The following UNC13C variants were observed in gnomAD, a reference collection of about 807,000 sequenced individuals.
UNC13C encodes protein unc-13 homolog C.
A neutral mutation model predicts 245.4 loss-of-function variants in UNC13C; 174 were observed. That is an observed-to-expected ratio of 0.71 (90% CI 0.63 to 0.80). The LOEUF is 0.80. Among genes scored for constraint, UNC13C ranks in the 30% least tolerant of loss-of-function variants. The pLI is 0.00. For synonymous variants in UNC13C, 992 were observed against 895.1 expected, an observed-to-expected ratio of 1.11 and a Z score of -1.93; for missense variants, 2,829 against 2,602.9, an observed-to-expected ratio of 1.09 and a Z score of -1.89.
chr15:53,870,637 G>A, the UNC13C span, among the ~76,000 whole-genome samples: 2 of 152,054 alleles, frequency 1.3e-5, no homozygotes, highest in African/African-American at 2.4e-5. Context: ...TTGAGACTAC[G>A]TCCTAACTCA....
chr15:54,148,841 G>T (rs568882090), intron 4 of UNC13C, among the ~76,000 whole-genome samples: 2 of 152,168 alleles, frequency 1.3e-5, no homozygotes, highest in African/African-American at 2.4e-5. Context: ...ATCCTTGCAT[G>T]CTCTGAATCA....
intron 18 of UNC13C, among the ~76,000 whole-genome samples, chr15:54,408,211 A>C (rs1454119073): frequency 1.4e-5 from 2 of 145,788 alleles, no homozygotes; most frequent in Admixed American, 1.4e-4. Context: ...AAAAAAAAAA[A>C]AAAAAAAAAA....
At chr15:54,003,059 A>G (rs1332032207) in intron 1 of UNC13C, among the ~76,000 whole-genome samples, 2 of 151,918 alleles carry the variant, frequency 1.3e-5, no homozygotes, top group Non-Finnish European at 2.9e-5. Flanking sequence ...CCCCAACCTC[A>G]ACGACTCTGT....
At chr15:54,008,175 A>G (rs1367640571) in intron 1 of UNC13C, among the ~76,000 whole-genome samples, 1 of 152,220 alleles carries the variant, frequency 6.6e-6, no homozygotes. Context: ...TGAATATGTT[A>G]ACATATCTGC....
At chr15:54,571,460 C>T (rs1056157659) in intron 30 of UNC13C, among the ~76,000 whole-genome samples, 1 of 152,202 alleles carries the variant, frequency 6.6e-6, no homozygotes, top group Non-Finnish European at 1.5e-5. Flanking sequence ...ATGGGAGCTA[C>T]AATTCCAGAT....
chr15:54,194,154 G>T (rs140607710), intron 4 of UNC13C, among the ~76,000 whole-genome samples: 3 of 152,262 alleles, frequency 2.0e-5, no homozygotes, highest in Middle Eastern at 3.4e-3. Flanking sequence ...TGGCTGCTCC[G>T]TGTAGACCAG....
chr15:53,878,438 G>C, the UNC13C span, among the ~76,000 whole-genome samples: 1 of 152,114 alleles, frequency 6.6e-6, no homozygotes, highest in South Asian at 2.1e-4. Context: ...CAGACTTTCT[G>C]TTCTCTTTCC....
intron 2 of UNC13C, among the ~76,000 whole-genome samples, chr15:54,067,235 A>T (rs929856472): frequency 6.6e-6 from 1 of 152,156 alleles, no homozygotes; most frequent in Non-Finnish European, 1.5e-5. Context: ...CGTCACATAA[A>T]CATCATCAAA....
chr15:54,031,978 A>G (rs764569796), intron 2 of UNC13C, among the ~76,000 whole-genome samples: 5 of 152,152 alleles, frequency 3.3e-5, no homozygotes, highest in Non-Finnish European at 7.4e-5. Context: ...TGCTTAGGTA[A>G]ATCACTTTTC....
At chr15:54,088,976 A>C (rs2141132352) in intron 2 of UNC13C, among the ~76,000 whole-genome samples, 1 of 152,218 alleles carries the variant, frequency 6.6e-6, no homozygotes, top group South Asian at 2.1e-4. Flanking sequence ...ATCCACATGA[A>C]GTTCCAGAAA....
At chr15:54,447,464 T>C (rs142289016) in intron 19 of UNC13C, among the ~76,000 whole-genome samples, 59,975 of 151,966 alleles carry the variant, frequency 0.39, 12,095 homozygotes, top group East Asian at 0.63. Context: ...GTTATTGGTC[T>C]ATTCAGAGAT....
chr15:54,422,268 T>A (rs756190714), intron 19 of UNC13C, among the ~76,000 whole-genome samples: 1 of 151,988 alleles, frequency 6.6e-6, no homozygotes, highest in Non-Finnish European at 1.5e-5. Flanking sequence ...CTTCTCTCCA[T>A]CTCTACTACC....
intron 2 of UNC13C, among the ~76,000 whole-genome samples, chr15:54,083,929 C>T (rs570404342): frequency 6.6e-6 from 1 of 152,282 alleles, no homozygotes; most frequent in South Asian, 2.1e-4. Context: ...GATGGGGGAA[C>T]CTCTGCGCGA....
intron 2 of UNC13C, among the ~76,000 whole-genome samples, chr15:54,136,730 GA>G (rs1283365789): frequency 1.3e-5 from 2 of 152,044 alleles, no homozygotes; most frequent in African/African-American, 4.8e-5. Context: ...CTCGATATCT[GA>G]TTTGCTAAGA....
At chr15:54,597,611 A>T (rs955601695) in intron 30 of UNC13C, among the ~76,000 whole-genome samples, 1 of 151,852 alleles carries the variant, frequency 6.6e-6, no homozygotes, top group African/African-American at 2.4e-5. Context: ...CATAATAATT[A>T]CATAAGAATT....
In UNC13C at chr15:54,295,390, T is replaced by G. The variant is rs185016748; in HGVS notation, c.3988+1326T>G. Among the ~76,000 whole-genome samples, 8 of 152,316 alleles carry G rather than the reference T, an allele frequency of 5.3e-5. No homozygotes were observed. The East Asian group carries it at 1.2e-3, about 22-fold the overall frequency. ...AGTACCTGGCACAGTGGCTCACACC[T>G]GTAATCCCAACATTTTGGGAGGTGG... On this transcript the variant is annotated intron_variant, in intron 11 of 32. Coordinates refer to ENST00000260323, the MANE Select transcript of UNC13C (RefSeq NM_001080534.3).
intron 8 of UNC13C, among the ~76,000 whole-genome samples, chr15:54,263,837 C>T (rs992477929): frequency 2.0e-5 from 3 of 152,026 alleles, no homozygotes; most frequent in African/African-American, 7.2e-5. Context: ...GTATGTAACA[C>T]ATTTGATTGT....
intron 10 of UNC13C, among the ~76,000 whole-genome samples, chr15:54,281,093 C>A (rs1457406538): frequency 1.3e-5 from 2 of 152,050 alleles, no homozygotes; most frequent in African/African-American, 4.8e-5. Context: ...CCACCATGCC[C>A]GGCCAACACT....
At chr15:54,430,450 T>C (rs73419631) in intron 19 of UNC13C, among the ~76,000 whole-genome samples, 11,939 of 151,670 alleles carry the variant, frequency 0.079, 542 homozygotes, top group African/African-American at 0.12. Flanking sequence ...CTCATTTATA[T>C]GTTTGGATTT....
Sources: allele counts gnomAD v4.1 joint callset (sites outside exome capture counted in the v4.1 genomes callset), GRCh38; gene constraint gnomAD v4.1.1; transcripts MANE v1.5; gene names NCBI Gene and HGNC (gene_info 2026-07-23, HGNC 2026-07-21).